The following STRIP2 variants were observed in gnomAD, a reference collection of about 807,000 sequenced individuals.
The protein encoded by STRIP2 is striatin-interacting protein 2.
Under a neutral mutation model 107.1 loss-of-function variants are expected in STRIP2, and 84 were observed. That is an observed-to-expected ratio of 0.78 (90% confidence interval 0.66 to 0.94). STRIP2 has a LOEUF of 0.94. Ranked by LOEUF, STRIP2 falls within the 40% of genes least tolerant of loss-of-function variation. STRIP2 has a pLI of 0.00. For synonymous variants in STRIP2, 394 were observed against 400.4 expected (o/e 0.98, Z 0.19); for missense variants, 888 against 1,034.2 (o/e 0.86, Z 1.94).
intron 9 of STRIP2, 90 bp downstream of exon 9, chr7:129,456,732 T>A: frequency 1.6e-6 from 2 of 1,251,744 alleles, no homozygotes; most frequent in Non-Finnish European, 2.2e-6. Flanking sequence ...GAAAAAGCAG[T>A]AAATGACCCG....
rs144058230 is a variant in STRIP2, at chr7:129,486,702, T to C, written c.*873T>C. 2.6e-4 allele frequency: 40 copies of C among 152,336 alleles called. No homozygotes were observed. The highest frequency in any genetic ancestry group is 8.9e-4 in the African/African-American group (37 of 41,590). 9.4% of individuals were successfully genotyped at this position (152,336 alleles called of 1,614,324 possible). ...TTATTTATTCAGATGGTATGTCCACTTGTGGTCGTGATCAATATATTTTTC... is the reference window on the plus strand; with the variant it reads ...TTATTTATTCAGATGGTATGTCCACCTGTGGTCGTGATCAATATATTTTTC... On this transcript the variant is annotated 3_prime_UTR_variant, in exon 21 of 21. Transcript: ENST00000249344.
At chr7:129,459,211 G>A (rs368115340) in intron 11 of STRIP2, among the ~76,000 whole-genome samples, 156 of 152,196 alleles carry the variant, frequency 1.0e-3, no homozygotes, top group African/African-American at 3.4e-3. Context: ...TATTAGTGGA[G>A]TTTCATAGTC....
Position 129,458,127 on chromosome 7 carries a change from G to A in STRIP2, c.1039-88G>A. ...GTTCAGATTCCATGTTCCCTGAAAT[G>A]TGGAGGCCTGTGGATATGGGGTGGC... On this transcript the variant is annotated intron_variant, in intron 9 of 20. Transcript: ENST00000249344. This position sits in a 1 kb window ranked among gnomAD's most constrained non-coding sequence, Gnocchi z 4.6. 3.2e-6 allele frequency: 3 copies of A among 949,632 alleles called. No individual in the cohort carries two copies. The highest frequency in any genetic ancestry group is 5.1e-6 in the Non-Finnish European group (3 of 591,494). 58.8% of individuals were successfully genotyped at this position (949,632 alleles called of 1,614,324 possible).
At chr7:129,464,763 A>G (rs777320757) in intron 16 of STRIP2, 25 bp downstream of exon 16, 197 of 1,613,890 alleles carry the variant, frequency 1.2e-4, no homozygotes, top group Non-Finnish European at 1.6e-4. Flanking sequence ...GCACTTCTCC[A>G]CAGGTCTTGG....
Position 129,462,948 on chromosome 7 carries a change from A to G in STRIP2, c.1477-18A>G, listed in dbSNP as rs1798578982. On this transcript the variant is annotated intron_variant, in intron 13 of 20. Coordinates refer to ENST00000249344, the MANE Select transcript of STRIP2 (RefSeq NM_020704.3). ...ACCTGGAAAGTGGCATTGCCAAACC[A>G]TGTATTTCTTGCCATAGGGGGAAGA... The G allele has an allele frequency of 6.2e-7, 1 of 1,611,976 alleles. No homozygotes were observed.
intron 18 of STRIP2, among the ~76,000 whole-genome samples, chr7:129,479,274 CAAAA>C (rs10558220): frequency 1.5e-5 from 2 of 135,730 alleles, no homozygotes; most frequent in Non-Finnish European, 3.2e-5. Context: ...AACTCTGTCT[CAAAA>C]AAAAAAAAAA....
At chr7:129,454,382 T>C in intron 6 of STRIP2, 39 bp from the exon 7 acceptor site, 1 of 1,557,864 alleles carries the variant, frequency 6.4e-7, no homozygotes. Context: ...GGGCTGGGAA[T>C]TGCCTTGGGA....
At position 129,454,446 on chromosome 7, in the gene STRIP2, A is replaced by T; in HGVS notation, c.625A>T (p.Met209Leu). The T allele has an allele frequency of 1.2e-6, 2 of 1,613,964 alleles. No homozygotes were observed. Residue 209 changes from methionine (M) to leucine (L), a missense_variant, in exon 7 of 21, where the codon ATG becomes TTG. By Grantham distance (15) the Met-to-Leu change is conservative (BLOSUM62 2). Coordinates refer to ENST00000249344, the MANE Select transcript of STRIP2 (RefSeq NM_020704.3). ...GGTGCTGCTGAGTGTTATGTACCTAATGGTGGAAAATATTCGCCTGGAGCG... is the reference window on the plus strand; with the variant it reads ...GGTGCTGCTGAGTGTTATGTACCTATTGGTGGAAAATATTCGCCTGGAGCG... Reference protein sequence around the residue: ...LRVLLSVMYLMVENIRLERET... With the variant: ...LRVLLSVMYLLVENIRLERET...
chr7:129,453,206 A>T (rs758593125), intron 4 of STRIP2, 21 bp from the exon 5 acceptor site: 1 of 1,613,824 alleles, frequency 6.2e-7, no homozygotes, highest in South Asian at 1.1e-5. Context: ...CAACCCCTGT[A>T]ACAACTGTCT....
At chr7:129,454,246 G>C in intron 6 of STRIP2, 36 bp downstream of exon 6, 1 of 1,603,194 alleles carries the variant, frequency 6.2e-7, no homozygotes. Flanking sequence ...GAACAGGGCA[G>C]ATGATTAGCA....
chr7:129,466,363 A>G (rs925692086), intron 16 of STRIP2, among the ~76,000 whole-genome samples: 2 of 152,228 alleles, frequency 1.3e-5, no homozygotes, highest in Non-Finnish European at 2.9e-5. Context: ...AATTTTGAAC[A>G]GAAGAGAGAA....
chr7:129,453,165 G>C (rs1798242574), intron 4 of STRIP2, 62 bp from the exon 5 acceptor site: 1 of 1,604,274 alleles, frequency 6.2e-7, no homozygotes, highest in South Asian at 1.1e-5. Flanking sequence ...TCATGGGGCA[G>C]GGTGGAAAGA....
In STRIP2 at chr7:129,482,371, A is replaced by AT. The variant is rs1290748618; in HGVS notation, c.2050-470dup. 1.6e-3 allele frequency among the ~76,000 whole-genome samples: 136 copies of AT among 84,142 alleles called. 1 individual carries two copies. The highest frequency in any genetic ancestry group is 5.9e-3 in the East Asian group (7 of 1,178). 55.2% of individuals were successfully genotyped at this position (84,142 alleles called of 152,430 possible). ...TCTCTCTCTCTATATATATATATATATATATATTTTTTTTTTTTTTTTTTG... is the reference window on the plus strand; with the variant it reads ...TCTCTCTCTCTATATATATATATATATTATATATTTTTTTTTTTTTTTTTTG... On this transcript the variant is annotated intron_variant, in intron 19 of 20. Coordinates refer to ENST00000249344, the MANE Select transcript of STRIP2 (RefSeq NM_020704.3).
At chr7:129,477,106 G>A (rs1000570630) in intron 18 of STRIP2, among the ~76,000 whole-genome samples, 3 of 151,274 alleles carry the variant, frequency 2.0e-5, no homozygotes, top group Admixed American at 2.0e-4. Context: ...GGAGGTTGCA[G>A]TGAGCGGAGA....
At chr7:129,443,744 C>T (rs931699657) in intron 2 of STRIP2, among the ~76,000 whole-genome samples, 1 of 152,204 alleles carries the variant, frequency 6.6e-6, no homozygotes, top group East Asian at 1.9e-4. Flanking sequence ...AGATTAAGCT[C>T]TCTGTGCTGC....
chr7:129,477,192 G>A (rs1335685724), intron 18 of STRIP2, among the ~76,000 whole-genome samples: 20 of 110,948 alleles, frequency 1.8e-4, no homozygotes, highest in Admixed American at 1.9e-4. Flanking sequence ...ACCGTGGGGA[G>A]AGGGAGGGGG....
intron 12 of STRIP2, 94 bp from the exon 13 acceptor site, chr7:129,460,207 A>T (rs1798492247): frequency 8.8e-7 from 1 of 1,135,312 alleles, no homozygotes; most frequent in East Asian, 2.4e-5. Flanking sequence ...CCATAAGCAG[A>T]ACATTTCCTT....
In STRIP2 at chr7:129,476,088, A is replaced by G. The variant is rs546929585; in HGVS notation, c.1945-4697A>G. ...CAATGAGCTGTTGGGTACACCTCCC[A>G]GAGGGGGTGGCGGCCGGGCAGAGGG... On this transcript the variant is annotated intron_variant, in intron 18 of 20. Coordinates refer to ENST00000249344, the MANE Select transcript of STRIP2 (RefSeq NM_020704.3). Among the ~76,000 whole-genome samples the G allele has an allele frequency of 6.2e-3, 948 of 152,146 alleles. 8 individuals carry two copies. Among genetic ancestry groups the G allele is most frequent in the Non-Finnish European group, 9.7e-3 (660 of 67,954 alleles).
chr7:129,464,567 C>A (rs757746160), intron 15 of STRIP2, 45 bp from the exon 16 acceptor site: 1 of 1,611,506 alleles, frequency 6.2e-7, no homozygotes, highest in South Asian at 1.1e-5. Flanking sequence ...ACAGGGCTCC[C>A]TTTAAGGCCA....
Sources: allele counts gnomAD v4.1 joint callset (sites outside exome capture counted in the v4.1 genomes callset), GRCh38; gene constraint gnomAD v4.1.1; non-coding constraint Gnocchi (gnomAD v3.1); transcripts MANE v1.5; gene names NCBI Gene and HGNC (gene_info 2026-07-23, HGNC 2026-07-21).